RALGPS2: variants seen among roughly 807,000 people sequenced by gnomAD.
RALGPS2 encodes the protein Ral GEF with PH domain and SH3 binding motif 2.
Under a neutral mutation model 86.8 loss-of-function variants are expected in RALGPS2, and 43 were observed. The observed-to-expected ratio is 0.50, with a 90% CI of 0.39 to 0.64. The LOEUF (loss-of-function observed/expected upper bound fraction) is 0.64, where lower values mean the gene tolerates loss of function less well. RALGPS2 is among the 30% of genes least tolerant of loss of function. The pLI, the probability that RALGPS2 is intolerant of heterozygous loss-of-function variation, is 0.00. For synonymous variants in RALGPS2, 243 were observed against 231.3 expected (o/e 1.05, Z -0.46); for missense variants, 536 against 694.6 (o/e 0.77, Z 2.57).
chr1:178,872,016 A>G (rs1658786033), intron 8 of RALGPS2, among the ~76,000 whole-genome samples: 1 of 152,278 alleles, frequency 6.6e-6, no homozygotes, highest in Non-Finnish European at 1.5e-5. Context: ...TAAGTAACTT[A>G]GCTTAGCACT....
At chr1:178,728,720 TC>T (rs549239860) in intron 1 of RALGPS2, among the ~76,000 whole-genome samples, 3 of 152,154 alleles carry the variant, frequency 2.0e-5, no homozygotes, top group Non-Finnish European at 4.4e-5. Context: ...TCCTATTGAA[TC>T]CTTTTTAGTG....
At chr1:178,823,396 TG>T (rs967138301) in intron 7 of RALGPS2, among the ~76,000 whole-genome samples, 5 of 152,196 alleles carry the variant, frequency 3.3e-5, no homozygotes, top group Middle Eastern at 6.4e-3. Context: ...AACATTCTGC[TG>T]GGGAAGAATA....
chr1:178,741,416 A>T (rs1006917894), intron 1 of RALGPS2, among the ~76,000 whole-genome samples: 2 of 152,156 alleles, frequency 1.3e-5, no homozygotes, highest in Non-Finnish European at 2.9e-5. Flanking sequence ...TTCCTTTTCA[A>T]TTCTTTCTTT....
chr1:178,840,454 G>A (rs1218385560), intron 8 of RALGPS2, among the ~76,000 whole-genome samples: 2 of 152,152 alleles, frequency 1.3e-5, no homozygotes, highest in African/African-American at 4.8e-5. Context: ...TGAAACCAAT[G>A]AGAACAAAGA....
At chr1:178,858,116 G>A (rs940913058) in intron 8 of RALGPS2, among the ~76,000 whole-genome samples, 4 of 152,064 alleles carry the variant, frequency 2.6e-5, no homozygotes, top group African/African-American at 4.8e-5. Flanking sequence ...AAATTTAGCA[G>A]TGCCTAAAGC....
At chr1:178,833,623 A>G (rs1656129497) in intron 8 of RALGPS2, 73 bp downstream of exon 8, 1 of 1,490,292 alleles carries the variant, frequency 6.7e-7, no homozygotes, top group Middle Eastern at 1.8e-4. Context: ...TGTGAAATTC[A>G]AGGTATTTTT....
intron 7 of RALGPS2, among the ~76,000 whole-genome samples, chr1:178,825,784 C>A (rs531028101): frequency 3.3e-5 from 5 of 152,308 alleles, no homozygotes; most frequent in African/African-American, 9.6e-5. Flanking sequence ...GCTCAGTAGT[C>A]ACATGTGGCT....
At chr1:178,793,132 C>T (rs748132427) in intron 4 of RALGPS2, among the ~76,000 whole-genome samples, 5 of 152,046 alleles carry the variant, frequency 3.3e-5, no homozygotes, top group African/African-American at 7.2e-5. Context: ...AATTTTTTAG[C>T]GGCCAAACCA....
At chr1:178,765,567 A>G (rs763521239) in intron 1 of RALGPS2, among the ~76,000 whole-genome samples, 15 of 152,190 alleles carry the variant, frequency 9.9e-5, no homozygotes, top group African/African-American at 1.9e-4. Flanking sequence ...TCGGGCACGC[A>G]TTGTCATTGA....
chr1:178,809,675 G>C (rs764005466), intron 5 of RALGPS2, among the ~76,000 whole-genome samples: 1 of 151,974 alleles, frequency 6.6e-6, no homozygotes, highest in Non-Finnish European at 1.5e-5. Flanking sequence ...GGCTTTAATG[G>C]ACTGTCATTT....
intron 8 of RALGPS2, chr1:178,852,630 T>G: frequency 1.3e-6 from 2 of 1,530,500 alleles, no homozygotes; most frequent in Non-Finnish European, 1.8e-6. Flanking sequence ...TAGATTCTAT[T>G]TAATGCATAG....
Position 178,865,261 on chromosome 1 carries a change from G to A in RALGPS2, c.608-12237G>A, listed in dbSNP as rs754770579. ...AAGCGTATTTCACCTCTAGTTCCCT[G>A]TATCTTGTTGCCATCTTCAACATTT... On this transcript the variant is annotated intron_variant, in intron 8 of 19. Transcript: ENST00000367635. 4.3e-6 allele frequency: 7 copies of A among 1,614,102 alleles called. No homozygotes were observed. In the Admixed American group the frequency reaches 8.3e-5, roughly 19 times the overall value.
rs372335154 is a variant in RALGPS2, at chr1:178,775,039, T to G, written c.-83-1643T>G. Among the ~76,000 whole-genome samples the G allele has an allele frequency of 2.6e-5, 4 of 152,180 alleles. No homozygotes were observed. The East Asian group carries it at 5.8e-4, about 22-fold the overall frequency. ...TAAGGTTTTGTCTTTTCTTTTTTATTTAAGAGACTCTGTTGAATTTAAGCT... is the reference window on the plus strand; with the variant it reads ...TAAGGTTTTGTCTTTTCTTTTTTATGTAAGAGACTCTGTTGAATTTAAGCT... On this transcript the variant is annotated intron_variant, in intron 1 of 19. Transcript: ENST00000367635.
intron 6 of RALGPS2, among the ~76,000 whole-genome samples, chr1:178,812,844 G>T (rs766093369): frequency 3.3e-5 from 5 of 151,622 alleles, no homozygotes; most frequent in Non-Finnish European, 5.9e-5. Context: ...CTAGGTGGCA[G>T]AGCTAGCCTT....
chr1:178,785,594 C>T lies in RALGPS2; in HGVS notation c.200C>T (p.Ala67Val). The T allele has an allele frequency of 1.3e-6, 2 of 1,583,514 alleles. No individual in the cohort carries two copies. The highest frequency in any genetic ancestry group is 1.7e-6 in the Non-Finnish European group (2 of 1,166,200). ...ITLMDVPVFK[A>V]IQPDELSSCG... is the part of the protein sequence containing the mutation. Reference sequence around the variant, plus strand: ...TTAATGGATGTTCCAGTATTTAAAGCTATTCAACCAGATGTAAGTAGTTTT... The same window carrying T: ...TTAATGGATGTTCCAGTATTTAAAGTTATTCAACCAGATGTAAGTAGTTTT... Residue 67 changes from alanine (A) to valine (V), a missense_variant, in exon 4 of 20, where the codon GCT becomes GTT. Transcript: ENST00000367635.
At chr1:178,769,474 C>CTGG (rs1261512575) in intron 1 of RALGPS2, among the ~76,000 whole-genome samples, 1 of 152,006 alleles carries the variant, frequency 6.6e-6, no homozygotes, top group African/African-American at 2.4e-5. Flanking sequence ...GGAGATCTGC[C>CTGG]TGGGTATGAA....
chr1:178,853,464 T>C (rs1657315620), intron 8 of RALGPS2: 6 of 839,986 alleles, frequency 7.1e-6, no homozygotes, highest in Non-Finnish European at 1.0e-5. Context: ...TTGACAGATG[T>C]AGATAATGAA....
Position 178,865,927 on chromosome 1 carries a change from G to A in RALGPS2, c.608-11571G>A, listed in dbSNP as rs1049809044. 2.0e-5 allele frequency: 11 copies of A among 550,848 alleles called. No individual in the cohort carries two copies. The South Asian group carries it at 2.4e-4, about 12-fold the overall frequency. The allele number at this position is 550,848 out of a possible 1,614,324, so 34.1% of individuals were successfully genotyped here. A position where few individuals can be genotyped will look rare whatever the true frequency, so the allele number is the denominator to read the frequency against. On this transcript the variant is annotated intron_variant, in intron 8 of 19. Coordinates refer to ENST00000367635, the MANE Select transcript of RALGPS2 (RefSeq NM_152663.5). Reference sequence around the variant, plus strand: ...AATATTTATTGGTGTTAATAGATTAGGCTAGAATTAACTTTATTAATTTCT... The same window carrying A: ...AATATTTATTGGTGTTAATAGATTAAGCTAGAATTAACTTTATTAATTTCT...
intron 1 of RALGPS2, among the ~76,000 whole-genome samples, chr1:178,734,997 A>G (rs1650590789): frequency 1.3e-5 from 2 of 152,216 alleles, no homozygotes; most frequent in African/African-American, 4.8e-5. Context: ...GCAATAAAAT[A>G]AAAATAAGTT....
Sources: allele counts gnomAD v4.1 joint callset (sites outside exome capture counted in the v4.1 genomes callset), GRCh38; gene constraint gnomAD v4.1.1; transcripts MANE v1.5; gene names NCBI Gene and HGNC (gene_info 2026-07-23, HGNC 2026-07-21).